FBN2: variants seen among roughly 807,000 people sequenced by gnomAD.
FBN2 encodes fibrillin-2.
In FBN2, 105 loss-of-function variants were observed where a neutral mutation model predicts 355.6. The observed-to-expected ratio is 0.30, with a 90% CI of 0.25 to 0.35. FBN2 has a LOEUF of 0.35. FBN2 is among the 10% of genes least tolerant of loss of function. The probability of loss-of-function intolerance (pLI) is 1.00; values close to 1 mark genes in which losing one functional copy is unlikely to be tolerated. For missense variants in FBN2, 3,280 were observed against 3,758.7 expected (o/e 0.87, Z 3.33); for synonymous variants, 1,350 against 1,301.2 (o/e 1.04, Z -0.81).
chr5:128,471,752 T>G (rs1754866477), intron 5 of FBN2, among the ~76,000 whole-genome samples: 1 of 152,194 alleles, frequency 6.6e-6, no homozygotes, highest in Non-Finnish European at 1.5e-5. Context: ...ATGATTGTCA[T>G]TAGGCTTATA....
chr5:128,492,661 G>A (rs946288409), intron 5 of FBN2, among the ~76,000 whole-genome samples: 2 of 151,962 alleles, frequency 1.3e-5, no homozygotes, highest in Admixed American at 1.3e-4. Context: ...AAATTAGCTG[G>A]GTGTGGTGGC....
chr5:128,502,871 A>T (rs1755855207), intron 5 of FBN2, among the ~76,000 whole-genome samples: 2 of 152,232 alleles, frequency 1.3e-5, no homozygotes, highest in African/African-American at 4.8e-5. Context: ...ATGTGCTATG[A>T]CACTTTCTTT....
intron 50 of FBN2, 79 bp from the exon 51 acceptor site, chr5:128,290,026 A>G: frequency 2.5e-6 from 2 of 793,272 alleles, no homozygotes; most frequent in Non-Finnish European, 2.2e-6. Context: ...AACAATATAC[A>G]TGAAATTACA....
chr5:128,266,729 T>C lies in FBN2; in HGVS notation c.7961-3073A>G, dbSNP rs183320343. On this transcript the variant is annotated intron_variant, in intron 62 of 64. Coordinates refer to ENST00000262464, the MANE Select transcript of FBN2 (RefSeq NM_001999.4). The stretch of plus-strand genomic sequence containing the variant: ...TTGATAGAGAATCATTCTTTTGGAT[T>C]AAGGTCTATGGAATTAACCAACAAG... Among the ~76,000 whole-genome samples, 509 of 152,228 alleles carry C rather than the reference T, an allele frequency of 3.3e-3. 5 individuals carry two copies. The highest frequency in any genetic ancestry group is 4.4e-3 in the Non-Finnish European group (301 of 68,030).
chr5:128,464,711 A>G lies in FBN2; in HGVS notation c.826+13T>C. ...GGTCTGCGATGGTGTGCACAGGCAG[A>G]CAGCTGACTCACCTTGGCAAGCTCC... On this transcript the variant is annotated intron_variant, in intron 6 of 64. Transcript: ENST00000262464. 2 of 1,611,730 alleles carry G rather than the reference A, an allele frequency of 1.2e-6. No individual in the cohort carries two copies. Among genetic ancestry groups the G allele is most frequent in the Non-Finnish European group, 1.7e-6 (2 of 1,179,588 alleles).
chr5:128,353,815 C>T (rs1751431111), intron 20 of FBN2, among the ~76,000 whole-genome samples: 1 of 152,174 alleles, frequency 6.6e-6, no homozygotes, highest in Non-Finnish European at 1.5e-5. Flanking sequence ...AGTACAGTGT[C>T]AGCATCAAGA....
intron 48 of FBN2, among the ~76,000 whole-genome samples, chr5:128,297,729 T>A (rs1749567748): frequency 6.6e-6 from 1 of 152,208 alleles, no homozygotes; most frequent in East Asian, 1.9e-4. Flanking sequence ...CCTATGTGTG[T>A]CTCTGCCCGT....
intron 36 of FBN2, among the ~76,000 whole-genome samples, chr5:128,314,021 C>A (rs1750134800): frequency 6.6e-6 from 1 of 151,872 alleles, no homozygotes; most frequent in Non-Finnish European, 1.5e-5. Context: ...CAACTTCCAT[C>A]CTTGACTAAA....
Position 128,537,976 on chromosome 5 carries a change from A to C in FBN2, c.-373T>G. The C allele has an allele frequency of 3.4e-6, 1 of 297,308 alleles. No individual in the cohort carries two copies. The highest frequency in any genetic ancestry group is 6.2e-6 in the Non-Finnish European group (1 of 160,260). The allele number at this position is 297,308 out of a possible 1,614,324, so 18.4% of individuals were successfully genotyped here. On this transcript the variant is annotated 5_prime_UTR_variant, in exon 1 of 65. Coordinates refer to ENST00000262464, the MANE Select transcript of FBN2 (RefSeq NM_001999.4). ...AAATTTCAAAAAATGTGAACCTCAAAAGAAAAAAGGGCCTGCACGCAGAGC... is the reference window on the plus strand; with the variant it reads ...AAATTTCAAAAAATGTGAACCTCAACAGAAAAAAGGGCCTGCACGCAGAGC...
chr5:128,463,030 T>C (rs952712980), intron 6 of FBN2, among the ~76,000 whole-genome samples: 3 of 152,106 alleles, frequency 2.0e-5, no homozygotes, highest in African/African-American at 7.2e-5. Flanking sequence ...GAAGTTAGTA[T>C]GTTAGAAGGT....
At chr5:128,510,778 C>G (rs564510005) in intron 5 of FBN2, among the ~76,000 whole-genome samples, 1 of 152,182 alleles carries the variant, frequency 6.6e-6, no homozygotes, top group East Asian at 1.9e-4. Context: ...GTATCATGTG[C>G]CTTGTTATCA....
At chr5:128,360,838 T>TA (rs935976281) in intron 19 of FBN2, among the ~76,000 whole-genome samples, 36 of 149,618 alleles carry the variant, frequency 2.4e-4, no homozygotes, top group South Asian at 6.4e-4. Context: ...CTTTAACAGA[T>TA]AAAAAAAAAG....
At chr5:128,409,295 A>C (rs762792221) in intron 7 of FBN2, among the ~76,000 whole-genome samples, 5 of 152,136 alleles carry the variant, frequency 3.3e-5, no homozygotes, top group Admixed American at 6.6e-5. Context: ...TGAATATGGG[A>C]GTATTTGACA....
intron 8 of FBN2, among the ~76,000 whole-genome samples, chr5:128,405,070 C>A (rs1249512545): frequency 6.6e-6 from 1 of 152,116 alleles, no homozygotes; most frequent in Non-Finnish European, 1.5e-5. Context: ...ACTCAGGAGG[C>A]TGAGGTGGGA....
chr5:128,284,703 G>C (rs888640642), intron 55 of FBN2, among the ~76,000 whole-genome samples: 3 of 152,192 alleles, frequency 2.0e-5, no homozygotes, highest in African/African-American at 7.2e-5. Flanking sequence ...GTGTGGCTCT[G>C]ATAAAGTTCT....
At chr5:128,499,407 T>C (rs1046711732) in intron 5 of FBN2, among the ~76,000 whole-genome samples, 5 of 152,270 alleles carry the variant, frequency 3.3e-5, no homozygotes, top group Admixed American at 1.3e-4. Flanking sequence ...CTTCACCTTA[T>C]AGCACAATTA....
chr5:128,260,725 A>C (rs2126792873), intron 64 of FBN2, among the ~76,000 whole-genome samples: 1 of 152,220 alleles, frequency 6.6e-6, no homozygotes, highest in East Asian at 1.9e-4. Flanking sequence ...TATTATTATA[A>C]AATAGCATCA....
chr5:128,505,946 C>A (rs991683060), intron 5 of FBN2, among the ~76,000 whole-genome samples: 8 of 152,088 alleles, frequency 5.3e-5, no homozygotes, highest in African/African-American at 1.7e-4. Context: ...CCTTTGAGTA[C>A]AAGTTTTTGT....
chr5:128,479,463 CTTT>C (rs1191371555), intron 5 of FBN2, among the ~76,000 whole-genome samples: 8 of 151,936 alleles, frequency 5.3e-5, no homozygotes, highest in Admixed American at 5.3e-4. Context: ...CATATTTTTA[CTTT>C]TTTAATCATC....
Sources: gnomAD v4.1 joint callset for allele counts (sites outside exome capture counted in the v4.1 genomes callset) on GRCh38, gnomAD v4.1.1 for gene constraint, MANE v1.5 for transcripts, NCBI Gene and HGNC (gene_info 2026-07-23, HGNC 2026-07-21) for gene names.